LMF1: variants seen among roughly 807,000 people sequenced by gnomAD.
The protein encoded by LMF1 is transmembrane protein 112.
LMF1 carries 68 observed loss-of-function variants against 60.6 expected under a neutral mutation model. The ratio of observed to expected loss-of-function variants is 1.12; its 90% CI spans 0.92 to 1.37. The LOEUF (loss-of-function observed/expected upper bound fraction) is 1.37. LMF1 is among the 40% of genes most tolerant of loss of function. The probability of loss-of-function intolerance (pLI) is 0.00; values close to 1 mark genes in which losing one functional copy is unlikely to be tolerated. For missense variants in LMF1, 948 were observed against 767.2 expected, an observed-to-expected ratio of 1.24 and a Z score of -2.78; for synonymous variants, 418 against 324.7, an observed-to-expected ratio of 1.29 and a Z score of -3.09.
intron 10 of LMF1, among the ~76,000 whole-genome samples, chr16:867,064 C>G (rs1216157425): frequency 6.6e-6 from 1 of 152,212 alleles, no homozygotes; most frequent in Non-Finnish European, 1.5e-5. Flanking sequence ...GAACTCAATG[C>G]AGGCCCACGG....
chr16:950,536 C>T lies in LMF1; in HGVS notation c.503+3821G>A, dbSNP rs1405661502. ...GAGTCAGAGACGACAGAGTCAGAGCCAATGACAGAGTCAGCCAATGACAGA... is the reference window on the plus strand; with the variant it reads ...GAGTCAGAGACGACAGAGTCAGAGCTAATGACAGAGTCAGCCAATGACAGA... On this transcript the variant is annotated intron_variant, in intron 2 of 10. Transcript: ENST00000262301. Among the ~76,000 whole-genome samples the T allele has an allele frequency of 1.9e-5, 2 of 108,088 alleles. 1 individual carries two copies. The highest frequency in any genetic ancestry group is 1.9e-4 in the Admixed American group (2 of 10,642). 70.9% of individuals were successfully genotyped at this position (108,088 alleles called of 152,430 possible).
Position 976,184 on chromosome 16 carries a change from T to C in LMF1, c.-135+4961A>G, listed in dbSNP as rs564552660. ...CAGAGGACCTCAGCCCCCCAGTGCC[T>C]GGGCCACGGATGGGCTGGGGGCTGG... On this transcript the variant is annotated intron_variant, in intron 1 of 6. Transcript: ENST00000570014. 338 of 452,516 alleles carry C rather than the reference T, an allele frequency of 7.5e-4. 1 individual carries two copies. Among genetic ancestry groups the C allele is most frequent in the Non-Finnish European group, 1.0e-3 (234 of 225,710 alleles). 28.0% of individuals were successfully genotyped at this position (452,516 alleles called of 1,614,324 possible).
chr16:934,073 G>T, intron 3 of LMF1, 171 bp downstream of exon 3: 2 of 1,519,140 alleles, frequency 1.3e-6, no homozygotes, highest in Non-Finnish European at 1.8e-6. Flanking sequence ...CCACATCCAG[G>T]GAGGAGGCAC....
chr16:877,302 TCAC>T (rs1166287290), intron 6 of LMF1, among the ~76,000 whole-genome samples: 2 of 152,166 alleles, frequency 1.3e-5, no homozygotes, highest in African/African-American at 4.8e-5. Context: ...AGGGAAATGT[TCAC>T]CACAAAAACT....
chr16:861,831 G>A (rs1173415504), intron 10 of LMF1, among the ~76,000 whole-genome samples: 1 of 152,190 alleles, frequency 6.6e-6, no homozygotes, highest in Admixed American at 6.5e-5. Flanking sequence ...GGATCCGATG[G>A]TTAGAGCAGA....
chr16:926,252 CTG>C (rs920966662), intron 3 of LMF1, among the ~76,000 whole-genome samples: 5 of 150,278 alleles, frequency 3.3e-5, no homozygotes, highest in African/African-American at 4.9e-5. Context: ...ATACGTATGT[CTG>C]TGTGTGCATG....
chr16:924,045 T>C lies in LMF1; in HGVS notation c.514+10199A>G, dbSNP rs144966356. Among the ~76,000 whole-genome samples, 7 of 152,334 alleles carry C rather than the reference T, an allele frequency of 4.6e-5. No individual in the cohort carries two copies. In the East Asian group the frequency reaches 1.2e-3, roughly 25 times the overall value. On this transcript the variant is annotated intron_variant, in intron 3 of 10. Coordinates refer to ENST00000262301, the MANE Select transcript of LMF1 (RefSeq NM_022773.4). ...AGAGTTATTAGAAAAAAAGTTACTA[T>C]AGTTCACTATTTGGCTCAGCAGTCA... is the stretch of plus-strand genomic sequence containing the variant.
chr16:969,703 G>A (rs2073001118), intron 1 of LMF1, among the ~76,000 whole-genome samples: 1 of 152,256 alleles, frequency 6.6e-6, no homozygotes, highest in Non-Finnish European at 1.5e-5. Context: ...CTCTGGGACG[G>A]TGACTGCCCA....
At position 934,073 on chromosome 16, in the gene LMF1, G is replaced by A. The variant is rs1021147360; in HGVS notation, c.514+171C>T. On this transcript the variant is annotated intron_variant, in intron 3 of 10. Transcript: ENST00000262301. ...GAAGCCCAGGAGCTCCCACATCCAG[G>A]GAGGAGGCACGGATCAGATCACAAG... The A allele has an allele frequency of 2.0e-6, 3 of 1,519,140 alleles. No individual in the cohort carries two copies. The African/African-American group carries it at 4.1e-5, about 21-fold the overall frequency. The allele number at this position is 1,519,140 out of a possible 1,614,324, so 94.1% of individuals were successfully genotyped here.
chr16:954,210 G>C (rs2072605519), intron 2 of LMF1, 147 bp downstream of exon 2: 2 of 884,204 alleles, frequency 2.3e-6, no homozygotes, highest in African/African-American at 3.3e-5. Context: ...TGGCCGCTCT[G>C]CCATGGCCTA....
At chr16:980,751 G>GT (rs2073329950) in intron 1 of LMF1, 1 of 152,128 alleles carries the variant, frequency 6.6e-6, no homozygotes, top group Non-Finnish European at 1.5e-5. Flanking sequence ...GCCTCGGGGG[G>GT]GGCAATGTCC....
intron 10 of LMF1, among the ~76,000 whole-genome samples, chr16:867,843 C>G (rs1218333079): frequency 6.6e-6 from 1 of 152,178 alleles, no homozygotes; most frequent in African/African-American, 2.4e-5. Context: ...GAGCACCTGC[C>G]TGGGCTGCCA....
chr16:944,254 C>T (rs1397660526), intron 2 of LMF1, among the ~76,000 whole-genome samples: 3 of 150,218 alleles, frequency 2.0e-5, no homozygotes, highest in Admixed American at 2.0e-4. Context: ...TGCCACTTTC[C>T]ACCAACCCTC....
intron 4 of LMF1, among the ~76,000 whole-genome samples, chr16:895,818 C>T (rs1401407682): frequency 1.3e-5 from 2 of 152,020 alleles, no homozygotes; most frequent in Non-Finnish European, 2.9e-5. Context: ...GGACACCACC[C>T]ACATGCAGGC....
Position 948,875 on chromosome 16 carries a change from C to A in LMF1, c.503+5482G>T, listed in dbSNP as rs1423512950. Among the ~76,000 whole-genome samples, 20 of 48,690 alleles carry A rather than the reference C, an allele frequency of 4.1e-4. 3 individuals carry two copies. Among genetic ancestry groups the A allele is most frequent in the East Asian group, 2.2e-3 (4 of 1,814 alleles). 31.9% of individuals were successfully genotyped at this position (48,690 alleles called of 152,430 possible). On this transcript the variant is annotated intron_variant, in intron 2 of 10. Coordinates refer to ENST00000262301, the MANE Select transcript of LMF1 (RefSeq NM_022773.4). Reference sequence around the variant, plus strand: ...GAGTCAGCCAACGACAGAGTCAGAGCCAATGACAGAGTCAGCCAACGACAG... The same window carrying A: ...GAGTCAGCCAACGACAGAGTCAGAGACAATGACAGAGTCAGCCAACGACAG...
chr16:979,939 G>T, intron 1 of LMF1: 1 of 359,972 alleles, frequency 2.8e-6, no homozygotes, highest in South Asian at 2.1e-5. Flanking sequence ...CCGAGCGGAG[G>T]GCAGGGCCTC....
intron 3 of LMF1, among the ~76,000 whole-genome samples, chr16:912,684 G>C (rs2071155494): frequency 6.6e-6 from 1 of 152,164 alleles, no homozygotes; most frequent in South Asian, 2.1e-4. Flanking sequence ...AGGCTCGCTG[G>C]GCCCCATCTT....
At chr16:931,618 G>C (rs1169271518) in intron 3 of LMF1, 1 of 1,284,092 alleles carries the variant, frequency 7.8e-7, no homozygotes, top group Admixed American at 2.3e-5. Flanking sequence ...TAGGTGTTCT[G>C]AGGCCCAGCA....
intron 3 of LMF1, among the ~76,000 whole-genome samples, chr16:912,096 C>T (rs934252105): frequency 6.6e-6 from 1 of 152,164 alleles, no homozygotes; most frequent in East Asian, 1.9e-4. Context: ...CCCTCCTGGG[C>T]TCTGAGGATG....
Sources: gnomAD v4.1 joint callset for allele counts (sites outside exome capture counted in the v4.1 genomes callset) on GRCh38, gnomAD v4.1.1 for gene constraint, MANE v1.5 for transcripts, NCBI Gene and HGNC (gene_info 2026-07-23, HGNC 2026-07-21) for gene names.